CLNK: variants seen among roughly 807,000 people sequenced by gnomAD.
The protein encoded by CLNK is cytokine dependent hematopoietic cell linker.
Under a neutral mutation model 68.6 loss-of-function variants are expected in CLNK, and 74 were observed. That is an observed-to-expected ratio of 1.08 (90% CI 0.89 to 1.31). The LOEUF (loss-of-function observed/expected upper bound fraction) is 1.31, where lower values mean the gene tolerates loss of function less well. CLNK is among the 50% of genes most tolerant of loss of function. The pLI is 0.00. For missense variants in CLNK, 553 were observed against 515.3 expected, an observed-to-expected ratio of 1.07 and a Z score of -0.71; for synonymous variants, 198 against 172.2, an observed-to-expected ratio of 1.15 and a Z score of -1.17.
intron 11 of CLNK, among the ~76,000 whole-genome samples, chr4:10,539,327 A>G (rs929014124): frequency 6.6e-6 from 1 of 152,188 alleles, no homozygotes; most frequent in Admixed American, 6.5e-5. Flanking sequence ...CCACAGAAGG[A>G]GGAATGACAT....
At chr4:10,676,173 A>T (rs1247908896) in intron 1 of CLNK, among the ~76,000 whole-genome samples, 1 of 152,082 alleles carries the variant, frequency 6.6e-6, no homozygotes, top group Non-Finnish European at 1.5e-5. Flanking sequence ...TTTGGTTCCA[A>T]TTCAGAGTTA....
intron 2 of CLNK, among the ~76,000 whole-genome samples, chr4:10,638,102 C>CTGTA (rs1424355076): frequency 6.6e-6 from 1 of 152,184 alleles, no homozygotes; most frequent in African/African-American, 2.4e-5. Context: ...TAGCCCCGAA[C>CTGTA]TGTACCATGT....
chr4:10,508,880 G>A (rs562947503), intron 16 of CLNK, among the ~76,000 whole-genome samples: 33 of 152,168 alleles, frequency 2.2e-4, no homozygotes, highest in African/African-American at 6.7e-4. Flanking sequence ...AGGCCAAGGC[G>A]GGCGGATCAC....
intron 2 of CLNK, among the ~76,000 whole-genome samples, chr4:10,603,595 G>T (rs1010516626): frequency 4.6e-5 from 7 of 152,226 alleles, no homozygotes; most frequent in Non-Finnish European, 8.8e-5. Context: ...ACCAACCCCT[G>T]TGGAGGGAAG....
intron 2 of CLNK, among the ~76,000 whole-genome samples, chr4:10,622,787 T>A (rs1383464416): frequency 2.0e-5 from 3 of 152,186 alleles, no homozygotes; most frequent in Non-Finnish European, 4.4e-5. Flanking sequence ...TAATAAACAT[T>A]TATTTCTCAC....
At chr4:10,530,441 G>C (rs1718489761) in intron 12 of CLNK, among the ~76,000 whole-genome samples, 2 of 152,342 alleles carry the variant, frequency 1.3e-5, no homozygotes, top group South Asian at 4.1e-4. Context: ...TGAAGAAATG[G>C]TCTTGAATCT....
At chr4:10,578,420 CCAT>C (rs1342510754) in intron 4 of CLNK, among the ~76,000 whole-genome samples, 12 of 152,016 alleles carry the variant, frequency 7.9e-5, no homozygotes, top group Admixed American at 7.9e-4. Context: ...TCGGTGGACA[CCAT>C]CATCTGGGTG....
rs751696974 is a variant in CLNK at position 10,565,990 on chromosome 4, GC to G, written c.292+18del. On this transcript the variant is annotated intron_variant, in intron 6 of 18. Transcript: ENST00000226951. Reference sequence around the variant, plus strand: ...ATGTACATGCATCTTCTTATTTCAGGCAGACCCCCAAACGTTACCTGCATAT... The same window carrying G: ...ATGTACATGCATCTTCTTATTTCAGGAGACCCCCAAACGTTACCTGCATAT... 1 of 1,610,686 alleles carries G rather than the reference GC, an allele frequency of 6.2e-7. No homozygotes were observed. Among genetic ancestry groups the G allele is most frequent in the Non-Finnish European group, 8.5e-7 (1 of 1,178,072 alleles).
At chr4:10,498,809 A>C (rs1181533171) in intron 18 of CLNK, among the ~76,000 whole-genome samples, 1 of 152,152 alleles carries the variant, frequency 6.6e-6, no homozygotes, top group Non-Finnish European at 1.5e-5. Context: ...CACTTTCTTA[A>C]TGTGGTTGTA....
At chr4:10,725,978 G>A in the CLNK span, among the ~76,000 whole-genome samples, 44 of 152,328 alleles carry the variant, frequency 2.9e-4, no homozygotes, top group African/African-American at 9.4e-4. Context: ...GACACCAATA[G>A]AAATATATTG....
At chr4:10,700,031 T>G in the CLNK span, among the ~76,000 whole-genome samples, 2 of 131,224 alleles carry the variant, frequency 1.5e-5, no homozygotes, top group Admixed American at 1.5e-4. Context: ...TGTGTGTATA[T>G]ATATATTTCC....
the CLNK span, among the ~76,000 whole-genome samples, chr4:10,718,629 G>A: frequency 2.0e-5 from 3 of 151,652 alleles, no homozygotes; most frequent in Admixed American, 6.6e-5. Flanking sequence ...TTCGTCACTA[G>A]CAGAAGCAGA....
At chr4:10,526,049 T>C (rs1718306055) in intron 13 of CLNK, 127 bp from the exon 14 acceptor site, 2 of 618,732 alleles carry the variant, frequency 3.2e-6, no homozygotes, top group Non-Finnish European at 5.7e-6. Flanking sequence ...GGGCTCTTGA[T>C]GGTCGGTGGA....
rs146878116 is a variant in CLNK, at chr4:10,500,650, G to A, written c.1140+606C>T. ...AGCCGAGATCTGTACTCTGGCCTGG[G>A]TGACAGAGTGCGTCTCTGTCTCAAA... On this transcript the variant is annotated intron_variant, in intron 18 of 18. Coordinates refer to ENST00000226951, the MANE Select transcript of CLNK (RefSeq NM_052964.4). 4.6e-3 allele frequency among the ~76,000 whole-genome samples: 683 copies of A among 148,512 alleles called. 5 individuals are homozygous for A. The Middle Eastern group carries it at 0.055, about 12-fold the overall frequency.
At chr4:10,525,982 T>C in intron 13 of CLNK, 60 bp from the exon 14 acceptor site, 8 of 967,902 alleles carry the variant, frequency 8.3e-6, no homozygotes, top group South Asian at 5.9e-5. Flanking sequence ...TGAGAACCAT[T>C]AGAAGCCCAC....
At chr4:10,543,773 T>C (rs1288804021) in intron 8 of CLNK, among the ~76,000 whole-genome samples, 1 of 152,256 alleles carries the variant, frequency 6.6e-6, no homozygotes, top group Non-Finnish European at 1.5e-5. Flanking sequence ...TCTGTTTTCA[T>C]TTTTGAAAAA....
rs114680660 is a variant in CLNK, at chr4:10,649,277, G to A, written c.11+18582C>T. Among the ~76,000 whole-genome samples, 694 of 152,184 alleles carry A rather than the reference G, an allele frequency of 4.6e-3. 4 individuals carry two copies. Among genetic ancestry groups the A allele is most frequent in the African/African-American group, 0.015 (603 of 41,532 alleles). On this transcript the variant is annotated intron_variant, in intron 2 of 18. Transcript: ENST00000226951. Reference sequence around the variant, plus strand: ...CAGATATCATGATTAACCTTCAATAGCAAAGTTTTTTAAGCAACTAATTTT... The same window carrying A: ...CAGATATCATGATTAACCTTCAATAACAAAGTTTTTTAAGCAACTAATTTT...
chr4:10,537,683 C>CT (rs1718838473), intron 11 of CLNK, among the ~76,000 whole-genome samples: 1 of 50,932 alleles, frequency 2.0e-5, no homozygotes, highest in Admixed American at 2.3e-4. Context: ...TTCTTTCTTC[C>CT]TTCCTTCCTT....
the CLNK span, among the ~76,000 whole-genome samples, chr4:10,731,329 A>G: frequency 6.6e-6 from 1 of 152,252 alleles, no homozygotes; most frequent in Non-Finnish European, 1.5e-5. Flanking sequence ...GTCTCTCGCA[A>G]TGCAACCACA....
Sources: gnomAD v4.1 joint callset for allele counts (sites outside exome capture counted in the v4.1 genomes callset) on GRCh38, gnomAD v4.1.1 for gene constraint, MANE v1.5 for transcripts, NCBI Gene and HGNC (gene_info 2026-07-23, HGNC 2026-07-21) for gene names.